The following FRMPD2 variants were observed in gnomAD, a reference collection of about 807,000 sequenced individuals.
FRMPD2 encodes the protein FERM and PDZ domain containing 2.
In FRMPD2, 96 loss-of-function variants were observed where a neutral mutation model predicts 140.1. The observed-to-expected ratio is 0.69, with a 90% CI of 0.58 to 0.81. The LOEUF (loss-of-function observed/expected upper bound fraction) is 0.81, where lower values mean the gene tolerates loss of function less well. Among genes scored for constraint, FRMPD2 ranks in the 40% least tolerant of loss-of-function variants. FRMPD2 has a pLI of 0.00. For synonymous variants in FRMPD2, 449 were observed against 547.6 expected, an observed-to-expected ratio of 0.82 and a Z score of 2.52; for missense variants, 1,240 against 1,447.4, an observed-to-expected ratio of 0.86 and a Z score of 2.32.
chr10:48,246,925 C>A (rs1023781299), intron 3 of FRMPD2, among the ~76,000 whole-genome samples: 7 of 152,206 alleles, frequency 4.6e-5, no homozygotes, highest in Admixed American at 3.9e-4. Flanking sequence ...ATAAACAGGG[C>A]TTGAGGCTGG....
rs76029064 is a variant in FRMPD2, at chr10:48,237,185, G to T, written c.922-632C>A. ...AGTCATATAACCAGCAAGAGATAGG[G>T]TTGGGTAGGGCTTCTATAGTGCCCC... On this transcript the variant is annotated intron_variant, in intron 8 of 28. Transcript: ENST00000374201. 1.8e-3 allele frequency among the ~76,000 whole-genome samples: 274 copies of T among 152,192 alleles called. 1 individual carries two copies. The highest frequency in any genetic ancestry group is 6.1e-3 in the African/African-American group (253 of 41,530).
intron 26 of FRMPD2, among the ~76,000 whole-genome samples, chr10:48,170,458 A>T (rs1564413591): frequency 6.6e-6 from 1 of 152,210 alleles, no homozygotes; most frequent in Admixed American, 6.5e-5. Context: ...AGGCCACAAC[A>T]TGCTCCCTTG....
At chr10:48,263,018 G>C (rs1256158534) in intron 1 of FRMPD2, among the ~76,000 whole-genome samples, 1 of 151,994 alleles carries the variant, frequency 6.6e-6, no homozygotes, top group African/African-American at 2.4e-5. Context: ...AGGATAGCCA[G>C]AATATCCTCA....
At chr10:48,238,763 G>A (rs1213256188) in intron 7 of FRMPD2, among the ~76,000 whole-genome samples, 1 of 152,192 alleles carries the variant, frequency 6.6e-6, no homozygotes, top group Non-Finnish European at 1.5e-5. Flanking sequence ...TCTGATTCAA[G>A]CATCCTAAGT....
chr10:48,158,433 C>T lies in FRMPD2; in HGVS notation c.3882-1063G>A, dbSNP rs1267239086. On this transcript the variant is annotated intron_variant, in intron 28 of 28. Transcript: ENST00000374201. ...TGCCTATTTCACGGAAAGGGCAAGA[C>T]TTGGAAATTTGGAGAATTTCATTAA... Among the ~76,000 whole-genome samples, 3 of 151,178 alleles carry T rather than the reference C, an allele frequency of 2.0e-5. 1 individual carries two copies. The highest frequency in any genetic ancestry group is 2.0e-4 in the Admixed American group (3 of 15,182).
chr10:48,223,879 C>T (rs1187129889), intron 10 of FRMPD2, among the ~76,000 whole-genome samples: 2 of 152,056 alleles, frequency 1.3e-5, no homozygotes, highest in Non-Finnish European at 2.9e-5. Context: ...GAGGACACTG[C>T]GAAAAGGAAA....
At chr10:48,167,794 T>C (rs1838136728) in intron 27 of FRMPD2, among the ~76,000 whole-genome samples, 1 of 152,214 alleles carries the variant, frequency 6.6e-6, no homozygotes, top group South Asian at 2.1e-4. Flanking sequence ...GACATTTAAA[T>C]CAGCAAACTT....
At chr10:48,181,107 A>T in intron 20 of FRMPD2, 99 bp from the exon 21 acceptor site, 8 of 709,344 alleles carry the variant, frequency 1.1e-5, no homozygotes, top group Non-Finnish European at 2.1e-5. Context: ...TGACAGAGTG[A>T]TCGTTTATAG....
chr10:48,175,503 C>T (rs1365104296), intron 23 of FRMPD2, among the ~76,000 whole-genome samples: 16 of 151,682 alleles, frequency 1.1e-4, no homozygotes, highest in African/African-American at 3.4e-4. Flanking sequence ...GTGTCCTCCC[C>T]GGATGTGCGA....
intron 13 of FRMPD2, among the ~76,000 whole-genome samples, chr10:48,209,887 G>A (rs531315420): frequency 2.0e-5 from 3 of 152,234 alleles, no homozygotes; most frequent in East Asian, 1.9e-4. Context: ...AGAGCATTGA[G>A]AGAAAAAATT....
intron 12 of FRMPD2, among the ~76,000 whole-genome samples, chr10:48,220,299 T>C (rs1306230177): frequency 2.6e-5 from 4 of 152,082 alleles, no homozygotes; most frequent in African/African-American, 7.2e-5. Context: ...TTACAATCAA[T>C]TGATTTTTGA....
At chr10:48,203,244 A>C (rs941407562) in intron 14 of FRMPD2, among the ~76,000 whole-genome samples, 1 of 152,230 alleles carries the variant, frequency 6.6e-6, no homozygotes, top group African/African-American at 2.4e-5. Context: ...TTCAGATGCC[A>C]GTGCTCCAAG....
At chr10:48,178,211 T>C in intron 21 of FRMPD2, 60 bp from the exon 22 acceptor site, 1 of 1,232,448 alleles carries the variant, frequency 8.1e-7, no homozygotes, top group South Asian at 1.3e-5. Flanking sequence ...ACCTCTTAGC[T>C]CATACTGCTC....
At chr10:48,268,873 A>G (rs10857553) in intron 1 of FRMPD2, among the ~76,000 whole-genome samples, 5,738 of 152,336 alleles carry the variant, frequency 0.038, 217 homozygotes, top group East Asian at 0.22. Flanking sequence ...GTAGTTAGGT[A>G]AGATATAATC....
intron 3 of FRMPD2, among the ~76,000 whole-genome samples, chr10:48,245,720 C>T (rs1313553033): frequency 1.3e-5 from 2 of 152,198 alleles, no homozygotes; most frequent in Non-Finnish European, 2.9e-5. Flanking sequence ...CACTTGTCTA[C>T]ATGGCCTCTG....
chr10:48,233,281 G>A (rs1839896558), intron 9 of FRMPD2, among the ~76,000 whole-genome samples: 1 of 152,214 alleles, frequency 6.6e-6, no homozygotes, highest in South Asian at 2.1e-4. Flanking sequence ...TTTCACACAT[G>A]CCGCTGGGCA....
chr10:48,223,127 G>T lies in FRMPD2; in HGVS notation c.1312C>A (p.Leu438Ile), dbSNP rs755648688. Residue 438 changes from leucine to isoleucine, a missense_variant, in exon 11 of 29, where the codon CTC (leucine) becomes ATC (isoleucine). Leu to Ile is a conservative substitution (Grantham distance 5). This residue lies in a region of FRMPD2 where 1,161 missense variants were observed against 1,055.9 expected (regional missense o/e 1.10). Coordinates refer to ENST00000374201, the MANE Select transcript of FRMPD2 (RefSeq NM_001018071.4). ...GAACAGGTTTGCAGCACTCACTGGA[G>T]CAGCCCATAGTGGCTGACAAAGAAC... ...IKFFVSHYGL[L>I]QHSLTRHQFY... The T allele has an allele frequency of 5.6e-6, 9 of 1,612,814 alleles. No individual in the cohort carries two copies. The East Asian group carries it at 2.0e-4, about 36-fold the overall frequency.
At position 48,251,093 on chromosome 10, in the gene FRMPD2, G is replaced by A. The variant is rs147545951; in HGVS notation, c.151+473C>T. On this transcript the variant is annotated intron_variant, in intron 2 of 28. Coordinates refer to ENST00000374201, the MANE Select transcript of FRMPD2 (RefSeq NM_001018071.4). ...GCTGGGATTACAGGTGTGAGCCACC[G>A]TGCCCAGCCAGGTCTGCCTTCTGAT... Among the ~76,000 whole-genome samples the A allele has an allele frequency of 6.8e-3, 1,042 of 152,132 alleles. 12 individuals are homozygous for A. The highest frequency in any genetic ancestry group is 0.023 in the African/African-American group (968 of 41,470).
chr10:48,248,958 C>T (rs1010529694), intron 3 of FRMPD2, 63 bp downstream of exon 3: 25 of 1,452,130 alleles, frequency 1.7e-5, no homozygotes, highest in East Asian at 7.2e-5. Context: ...GGGAGGCTGC[C>T]GCTGGGACAG....
Sources: allele counts gnomAD v4.1 joint callset (sites outside exome capture counted in the v4.1 genomes callset), GRCh38; gene constraint gnomAD v4.1.1; regional missense constraint gnomAD v4.1.1; transcripts MANE v1.5; gene names NCBI Gene and HGNC (gene_info 2026-07-23, HGNC 2026-07-21).